DGKG: variants seen among roughly 807,000 people sequenced by gnomAD.
The protein encoded by DGKG is diacylglycerol kinase gamma.
In DGKG, 78 loss-of-function variants were observed where a neutral mutation model predicts 105.3. That is an observed-to-expected ratio of 0.74 (90% CI 0.62 to 0.89). The LOEUF (loss-of-function observed/expected upper bound fraction) is 0.89, where lower values mean the gene tolerates loss of function less well. Among genes scored for constraint, DGKG ranks in the 40% least tolerant of loss-of-function variants. DGKG has a pLI of 0.00. For missense variants in DGKG, 958 were observed against 1,020.1 expected, an observed-to-expected ratio of 0.94 and a Z score of 0.83; for synonymous variants, 346 against 367.1, an observed-to-expected ratio of 0.94 and a Z score of 0.66.
chr3:186,333,988 C>T (rs1184255859), intron 1 of DGKG, among the ~76,000 whole-genome samples: 1 of 152,094 alleles, frequency 6.6e-6, no homozygotes, highest in Non-Finnish European at 1.5e-5. Flanking sequence ...GGTCAGCCAT[C>T]CAGTCATCAT....
At chr3:186,263,121 C>T (rs1009147695) in intron 14 of DGKG, among the ~76,000 whole-genome samples, 9 of 138,550 alleles carry the variant, frequency 6.5e-5, no homozygotes, top group East Asian at 2.2e-4. Context: ...AGCAAGACTC[C>T]GTCTCGGAAA....
intron 1 of DGKG, among the ~76,000 whole-genome samples, chr3:186,335,844 G>A (rs937202247): frequency 8.5e-5 from 13 of 152,148 alleles, no homozygotes; most frequent in African/African-American, 2.9e-4. Flanking sequence ...ATTTGTGGCA[G>A]CACTGTTTAA....
chr3:186,207,582 G>T, intron 21 of DGKG: 1 of 720,610 alleles, frequency 1.4e-6, no homozygotes, highest in Non-Finnish European at 1.7e-6. Flanking sequence ...TAATGGCCTT[G>T]GGAGGTAGAC....
At chr3:186,266,839 C>T (rs994571494) in intron 13 of DGKG, among the ~76,000 whole-genome samples, 2 of 152,124 alleles carry the variant, frequency 1.3e-5, no homozygotes, top group African/African-American at 2.4e-5. Flanking sequence ...TCAGGTGATC[C>T]GCCTGCCTCA....
chr3:186,158,619 TATG>T, intron 24 of DGKG: 2 of 922,390 alleles, frequency 2.2e-6, no homozygotes, highest in Non-Finnish European at 2.6e-6. Context: ...CCTGAACAAA[TATG>T]ATATTTAATT....
intron 1 of DGKG, among the ~76,000 whole-genome samples, chr3:186,352,061 T>A (rs143398405): frequency 1.3e-3 from 202 of 152,260 alleles, no homozygotes; most frequent in African/African-American, 3.9e-3. Context: ...GACCCACAAC[T>A]GGTGCTTTTT....
chr3:186,326,397 T>TCAAAAAAAA (rs1560156258), intron 1 of DGKG, among the ~76,000 whole-genome samples: 1 of 149,610 alleles, frequency 6.7e-6, no homozygotes, highest in African/African-American at 2.5e-5. Flanking sequence ...AGACACTGTC[T>TCAAAAAAAA]TAAAAAAAAA....
intron 5 of DGKG, among the ~76,000 whole-genome samples, chr3:186,294,112 C>T (rs767310708): frequency 6.6e-5 from 10 of 152,182 alleles, no homozygotes; most frequent in Non-Finnish European, 8.8e-5. Flanking sequence ...GGAAGTTTCT[C>T]TTTTAGTCCC....
At chr3:186,277,321 T>C (rs1002163763) in intron 9 of DGKG, among the ~76,000 whole-genome samples, 2 of 152,234 alleles carry the variant, frequency 1.3e-5, no homozygotes, top group African/African-American at 4.8e-5. Context: ...AAAGTGTTTG[T>C]TGACGTGGAA....
intron 1 of DGKG, among the ~76,000 whole-genome samples, chr3:186,355,750 C>T (rs1726925774): frequency 6.6e-6 from 1 of 152,038 alleles, no homozygotes; most frequent in Non-Finnish European, 1.5e-5. Context: ...CCAGCATCAC[C>T]ACCACCATTA....
At position 186,233,800 on chromosome 3, in the gene DGKG, C is replaced by T. The variant is rs115131383; in HGVS notation, c.1826+8704G>A. ...GCCCAGCCAGTAGTGTTGTTTTAAG[C>T]CACTAAGTTTGTGGCAGTTCATGAC... On this transcript the variant is annotated intron_variant, in intron 20 of 24. Transcript: ENST00000265022. 5.4e-3 allele frequency among the ~76,000 whole-genome samples: 826 copies of T among 152,268 alleles called. 7 individuals carry two copies. The highest frequency in any genetic ancestry group is 0.031 in the Middle Eastern group (9 of 294).
chr3:186,299,944 C>T (rs1382496218), intron 3 of DGKG, among the ~76,000 whole-genome samples: 1 of 151,836 alleles, frequency 6.6e-6, no homozygotes, highest in Non-Finnish European at 1.5e-5. Flanking sequence ...AAGTGATCCT[C>T]ACGCCTCAGC....
intron 1 of DGKG, among the ~76,000 whole-genome samples, chr3:186,338,110 T>C (rs931718638): frequency 1.4e-5 from 2 of 145,592 alleles, no homozygotes; most frequent in African/African-American, 5.1e-5. Flanking sequence ...ACAGAGGTTG[T>C]AGTGAGCCAA....
chr3:186,332,042 G>A (rs1253470687), intron 1 of DGKG, among the ~76,000 whole-genome samples: 4 of 152,104 alleles, frequency 2.6e-5, no homozygotes, highest in African/African-American at 9.7e-5. Context: ...ATCTTTGGAT[G>A]AATGAGTGCT....
rs151251693 is a variant in DGKG at position 186,281,247 on chromosome 3, T to C, written c.595-503A>G. The C allele has an allele frequency of 5.9e-3, 911 of 155,058 alleles. 9 individuals carry two copies. Among genetic ancestry groups the C allele is most frequent in the African/African-American group, 0.02 (847 of 41,626 alleles). The allele number at this position is 155,058 out of a possible 1,614,324, so 9.6% of individuals were successfully genotyped here. A position where few individuals can be genotyped will look rare whatever the true frequency, so the allele number is the denominator to read the frequency against. On this transcript the variant is annotated intron_variant, in intron 7 of 24. Transcript: ENST00000265022. The stretch of plus-strand genomic sequence containing the variant: ...ACCATGATTTTGATTCCTTTTGTTA[T>C]CTCCTCTGTTTCCTTTTTACCATGG...
chr3:186,302,559 C>T (rs143904758), intron 3 of DGKG, among the ~76,000 whole-genome samples: 295 of 21,084 alleles, frequency 0.014, 3 homozygotes, highest in African/African-American at 0.039. Flanking sequence ...TATATATATA[C>T]ACATATGTAT....
chr3:186,222,098 C>T (rs1016633246), intron 20 of DGKG, among the ~76,000 whole-genome samples: 1 of 152,214 alleles, frequency 6.6e-6, no homozygotes, highest in Non-Finnish European at 1.5e-5. Flanking sequence ...TACAGCTAGA[C>T]TGGAACGGGA....
rs776614337 is a variant in DGKG at position 186,284,637 on chromosome 3, G to A, written c.594+23C>T. The A allele has an allele frequency of 2.4e-5, 39 of 1,605,254 alleles. No homozygotes were observed. The highest frequency in any genetic ancestry group is 3.2e-5 in the Non-Finnish European group (38 of 1,172,026). ...CCCCAGCCTTTCTCAGGTCCATGAGGGATATTTAGAGTGAGAACTTACCGC... is the reference window on the plus strand; with the variant it reads ...CCCCAGCCTTTCTCAGGTCCATGAGAGATATTTAGAGTGAGAACTTACCGC... On this transcript the variant is annotated intron_variant, in intron 7 of 24. Coordinates refer to ENST00000265022, the MANE Select transcript of DGKG (RefSeq NM_001346.3). This position sits in a 1 kb window ranked among gnomAD's most constrained non-coding sequence, Gnocchi z 4.0.
At chr3:186,321,167 C>T (rs1028399368) in intron 1 of DGKG, among the ~76,000 whole-genome samples, 5 of 152,170 alleles carry the variant, frequency 3.3e-5, no homozygotes, top group South Asian at 2.1e-4. Context: ...AGTTCTCTGT[C>T]CTCTTAGAGC....
Sources: allele counts gnomAD v4.1 joint callset (sites outside exome capture counted in the v4.1 genomes callset), GRCh38; gene constraint gnomAD v4.1.1; non-coding constraint Gnocchi (gnomAD v3.1); transcripts MANE v1.5; gene names NCBI Gene and HGNC (gene_info 2026-07-23, HGNC 2026-07-21).